The following RAB10 variants were observed in gnomAD, a reference collection of about 807,000 sequenced individuals.
RAB10 encodes RAB10, member RAS oncogene family, also known as ras-related protein Rab-10.
In RAB10, 5 loss-of-function variants were observed where a neutral mutation model predicts 25.7. The ratio of observed to expected loss-of-function variants is 0.19; its 90% CI spans 0.10 to 0.41. The LOEUF is 0.41. RAB10 is among the 10% of genes least tolerant of loss of function. The pLI, the probability that RAB10 is intolerant of heterozygous loss-of-function variation, is 1.00. For missense variants in RAB10, 103 were observed against 245.8 expected, an observed-to-expected ratio of 0.42 and a Z score of 3.89; for synonymous variants, 89 against 86.4, an observed-to-expected ratio of 1.03 and a Z score of -0.16.
chr2:26,122,474 A>G (rs1290057545), intron 3 of RAB10, among the ~76,000 whole-genome samples: 1 of 152,040 alleles, frequency 6.6e-6, no homozygotes, highest in Non-Finnish European at 1.5e-5. Flanking sequence ...TGAAAATACA[A>G]AAAATTAGCC....
Position 26,097,666 on chromosome 2 carries a change from T to G in RAB10, c.128-996T>G, listed in dbSNP as rs1396823350. Among the ~76,000 whole-genome samples the G allele has an allele frequency of 1.3e-5, 2 of 152,228 alleles. 1 individual carries two copies. Among genetic ancestry groups the G allele is most frequent in the Non-Finnish European group, 2.9e-5 (2 of 68,036 alleles). On this transcript the variant is annotated intron_variant, in intron 1 of 5. Transcript: ENST00000264710. ...ACTCAGTCTGCACTTGAAAATGGTATGTATTCTGTTGCTGTTAGATGGAGA... is the reference window on the plus strand; with the variant it reads ...ACTCAGTCTGCACTTGAAAATGGTAGGTATTCTGTTGCTGTTAGATGGAGA...
chr2:26,101,419 GTGT>G (rs1199222302), intron 2 of RAB10: 3 of 152,326 alleles, frequency 2.0e-5, no homozygotes, highest in African/African-American at 7.2e-5. Flanking sequence ...CTCATTGAAC[GTGT>G]TGTCTTTCTT....
chr2:26,035,737 T>C (rs1665751295), intron 1 of RAB10, among the ~76,000 whole-genome samples: 1 of 152,210 alleles, frequency 6.6e-6, no homozygotes, highest in Non-Finnish European at 1.5e-5. Context: ...TTAAATGTAC[T>C]TTTATATTGA....
intron 3 of RAB10, among the ~76,000 whole-genome samples, chr2:26,111,254 T>C (rs1667563598): frequency 6.6e-6 from 1 of 152,192 alleles, no homozygotes; most frequent in African/African-American, 2.4e-5. Flanking sequence ...ACCACTGTTT[T>C]GTTGCTACAA....
intron 1 of RAB10, among the ~76,000 whole-genome samples, chr2:26,083,789 G>A (rs1420713202): frequency 6.6e-6 from 1 of 152,142 alleles, no homozygotes; most frequent in Non-Finnish European, 1.5e-5. Context: ...AAAGTGCTGG[G>A]ATTACAGGCG....
chr2:26,069,883 T>C (rs1666588514), intron 1 of RAB10, among the ~76,000 whole-genome samples: 1 of 151,926 alleles, frequency 6.6e-6, no homozygotes, highest in Admixed American at 6.6e-5. Context: ...TTTTTGTGTT[T>C]TTAATAGAGA....
intron 1 of RAB10, among the ~76,000 whole-genome samples, chr2:26,073,296 G>C (rs1180864521): frequency 6.6e-6 from 1 of 152,222 alleles, no homozygotes; most frequent in Non-Finnish European, 1.5e-5. Context: ...GCAAACTGCT[G>C]TTTTGTCTGG....
chr2:26,122,939 AAAG>A (rs1227068448), intron 3 of RAB10, among the ~76,000 whole-genome samples: 12 of 152,144 alleles, frequency 7.9e-5, no homozygotes, highest in African/African-American at 2.7e-4. Context: ...AGTGTTAGGA[AAAG>A]AAGAAAGCAC....
chr2:26,077,620 T>C (rs550217011), intron 1 of RAB10, among the ~76,000 whole-genome samples: 24 of 152,316 alleles, frequency 1.6e-4, no homozygotes, highest in African/African-American at 5.8e-4. Flanking sequence ...TTTTAATTTG[T>C]AATACAATTT....
chr2:26,109,201 C>T (rs1289420098), intron 2 of RAB10, among the ~76,000 whole-genome samples: 1 of 152,000 alleles, frequency 6.6e-6, no homozygotes, highest in Non-Finnish European at 1.5e-5. Context: ...TGAGCCACTG[C>T]GCCCGACCTT....
At chr2:26,094,400 C>T (rs889507117) in intron 1 of RAB10, among the ~76,000 whole-genome samples, 3 of 143,762 alleles carry the variant, frequency 2.1e-5, no homozygotes, top group Admixed American at 7.0e-5. Context: ...TACAGGCGCC[C>T]ACCACCACAC....
At chr2:26,061,994 C>CAGTT (rs1666409915) in intron 1 of RAB10, among the ~76,000 whole-genome samples, 1 of 152,034 alleles carries the variant, frequency 6.6e-6, no homozygotes, top group Admixed American at 6.6e-5. Context: ...TTACCATGAA[C>CAGTT]AGTTGATGGT....
chr2:26,069,063 ATTTC>A lies in RAB10; in HGVS notation c.128-29592_128-29589del, dbSNP rs1198423905. Among the ~76,000 whole-genome samples the A allele has an allele frequency of 1.1e-4, 16 of 152,246 alleles. No individual in the cohort carries two copies. The East Asian group carries it at 2.7e-3, about 26-fold the overall frequency. On this transcript the variant is annotated intron_variant, in intron 1 of 5. Transcript: ENST00000264710. Reference sequence around the variant, plus strand: ...TATATATTCTTAATTTCAACTGATAATTTCTTTCTTAATGTCTAATATAGCCTAT... The same window carrying A: ...TATATATTCTTAATTTCAACTGATAATTTCTTAATGTCTAATATAGCCTAT...
chr2:26,111,434 G>A (rs1469459802), intron 3 of RAB10, among the ~76,000 whole-genome samples: 2 of 151,922 alleles, frequency 1.3e-5, no homozygotes, highest in African/African-American at 2.4e-5. Context: ...GAGAAACCCC[G>A]TCTCTACTAA....
At chr2:26,128,864 C>A (rs531011651) in intron 5 of RAB10, among the ~76,000 whole-genome samples, 1 of 152,108 alleles carries the variant, frequency 6.6e-6, no homozygotes, top group African/African-American at 2.4e-5. Flanking sequence ...ATTAGGAAAT[C>A]GGATTTTCGT....
At chr2:26,105,260 G>A (rs1316513382) in intron 2 of RAB10, among the ~76,000 whole-genome samples, 1 of 152,162 alleles carries the variant, frequency 6.6e-6, no homozygotes, top group Non-Finnish European at 1.5e-5. Flanking sequence ...CTGAATCTTA[G>A]AATGCCAACA....
At chr2:26,090,928 T>C (rs1194322273) in intron 1 of RAB10, among the ~76,000 whole-genome samples, 1 of 102,040 alleles carries the variant, frequency 9.8e-6, no homozygotes. Context: ...AGCGAGACCC[T>C]GTCTCCCCCC....
chr2:26,106,004 A>G (rs188296043), intron 2 of RAB10, among the ~76,000 whole-genome samples: 1 of 152,360 alleles, frequency 6.6e-6, no homozygotes, highest in Admixed American at 6.5e-5. Context: ...ACATAGTCTA[A>G]TGATGCATTT....
chr2:26,072,545 AAAG>A (rs1300095978), intron 1 of RAB10, among the ~76,000 whole-genome samples: 7 of 152,268 alleles, frequency 4.6e-5, no homozygotes, highest in African/African-American at 7.2e-5. Flanking sequence ...TCATGCAAAA[AAAG>A]AAGAAAAAAA....
Sources: allele counts gnomAD v4.1 joint callset (sites outside exome capture counted in the v4.1 genomes callset), GRCh38; gene constraint gnomAD v4.1.1; transcripts MANE v1.5; gene names NCBI Gene and HGNC (gene_info 2026-07-23, HGNC 2026-07-21).